Variants in AGBL1 observed in about 807,000 individuals in gnomAD.
The protein encoded by AGBL1 is cytosolic carboxypeptidase 4.
Under a neutral mutation model 118.9 loss-of-function variants are expected in AGBL1, and 130 were observed. That is an observed-to-expected ratio of 1.09 (90% CI 0.95 to 1.26). The LOEUF is 1.26. Ranked by LOEUF, AGBL1 falls within the 50% of genes most tolerant of loss-of-function variation. AGBL1 has a pLI of 0.00. For missense variants in AGBL1, 1,584 were observed against 1,298.1 expected (o/e 1.22, Z -3.38); for synonymous variants, 555 against 478.9 (o/e 1.16, Z -2.08).
intron 21 of AGBL1, among the ~76,000 whole-genome samples, chr15:86,622,140 C>T (rs555716342): frequency 6.6e-5 from 10 of 152,120 alleles, no homozygotes; most frequent in African/African-American, 1.2e-4. Flanking sequence ...CCAGCCTGGC[C>T]AACATGGTGA....
At chr15:86,584,393 T>A (rs1210278262) in intron 21 of AGBL1, among the ~76,000 whole-genome samples, 3 of 152,196 alleles carry the variant, frequency 2.0e-5, no homozygotes, top group Admixed American at 6.6e-5. Flanking sequence ...TAGTTTCATT[T>A]TTCTGTATGT....
In AGBL1 at chr15:86,676,238, T is replaced by G. The variant is rs75416473; in HGVS notation, c.3158+1802T>G. Among the ~76,000 whole-genome samples the G allele has an allele frequency of 1.7e-3, 264 of 152,200 alleles. 4 individuals are homozygous for G. The East Asian group carries it at 0.022, about 12-fold the overall frequency. On this transcript the variant is annotated intron_variant, in intron 22 of 22. Coordinates refer to ENST00000614907, the MANE Select transcript of AGBL1 (RefSeq NM_001386094.1). ...AGTTTGGCAGGCATGGAGTTTGGTG[T>G]AGATCAGCAGGAGGGAAACTACCTA...
chr15:86,093,522 C>T (rs1441841809), intron 1 of AGBL1, among the ~76,000 whole-genome samples: 2 of 152,066 alleles, frequency 1.3e-5, no homozygotes, highest in Non-Finnish European at 2.9e-5. Context: ...GAGATAGAAG[C>T]TAAGTTTGAA....
intron 21 of AGBL1, among the ~76,000 whole-genome samples, chr15:86,618,895 T>G (rs916194484): frequency 6.6e-6 from 1 of 152,158 alleles, no homozygotes; most frequent in Non-Finnish European, 1.5e-5. Context: ...CTCCTTCTCT[T>G]GGGATACAGG....
intron 21 of AGBL1, among the ~76,000 whole-genome samples, chr15:86,668,284 T>C (rs28498407): frequency 0.019 from 2,871 of 152,318 alleles, 88 homozygotes; most frequent in African/African-American, 0.065. Flanking sequence ...TTGTCTTCTC[T>C]GTAATATATT....
chr15:86,182,711 G>T (rs1028006999), intron 5 of AGBL1, among the ~76,000 whole-genome samples: 5 of 152,058 alleles, frequency 3.3e-5, no homozygotes, highest in African/African-American at 4.8e-5. Flanking sequence ...TGTTCTCTCA[G>T]TATTAGTTTT....
intron 18 of AGBL1, among the ~76,000 whole-genome samples, chr15:86,485,903 A>T (rs2082706465): frequency 1.3e-5 from 2 of 152,226 alleles, no homozygotes; most frequent in South Asian, 4.1e-4. Context: ...ACAAACCTTG[A>T]CCACATCTCT....
At chr15:86,955,566 T>C (rs1349919435) in intron 23 of AGBL1, among the ~76,000 whole-genome samples, 1 of 151,842 alleles carries the variant, frequency 6.6e-6, no homozygotes, top group African/African-American at 2.4e-5. Context: ...TACAGCTTGG[T>C]TTACAAAGAC....
At chr15:86,767,384 C>A (rs1158579577) in intron 22 of AGBL1, among the ~76,000 whole-genome samples, 1 of 151,828 alleles carries the variant, frequency 6.6e-6, no homozygotes, top group Non-Finnish European at 1.5e-5. Context: ...CAGACTTTTT[C>A]CCTCTTTGCT....
At chr15:86,528,334 A>T (rs1165305353) in intron 19 of AGBL1, among the ~76,000 whole-genome samples, 4 of 152,210 alleles carry the variant, frequency 2.6e-5, no homozygotes, top group Non-Finnish European at 5.9e-5. Flanking sequence ...TCCGAGTCAA[A>T]GAAAGGGGTG....
chr15:86,285,397 C>G (rs2079425729), intron 16 of AGBL1, among the ~76,000 whole-genome samples: 1 of 152,072 alleles, frequency 6.6e-6, no homozygotes, highest in Non-Finnish European at 1.5e-5. Context: ...TCCCATAATT[C>G]TTACGTGTCG....
chr15:86,785,568 A>G lies in AGBL1; in HGVS notation c.3158+111132A>G, dbSNP rs184087468. On this transcript the variant is annotated intron_variant, in intron 22 of 22. Transcript: ENST00000614907. ...TTTTTAGTAGAGACGGGGTTTCACC[A>G]TATTGGTCAGGCTGGTCTCGAACTC... Among the ~76,000 whole-genome samples, 277 of 151,984 alleles carry G rather than the reference A, an allele frequency of 1.8e-3. 1 individual carries two copies. The highest frequency in any genetic ancestry group is 0.017 in the Admixed American group (262 of 15,258).
chr15:86,691,300 G>A (rs2086166037), intron 22 of AGBL1, among the ~76,000 whole-genome samples: 1 of 152,192 alleles, frequency 6.6e-6, no homozygotes, highest in Non-Finnish European at 1.5e-5. Flanking sequence ...GAGCGAGCTT[G>A]TGTAAGCACT....
Position 86,930,609 on chromosome 15 carries a change from C to T in AGBL1, c.3222-57378C>T, listed in dbSNP as rs149283231. Reference sequence around the variant, plus strand: ...TAAACAATTATTTTCAGCATATGAGCGAAAGAAAATACATTTATCTGCCAT... The same window carrying T: ...TAAACAATTATTTTCAGCATATGAGTGAAAGAAAATACATTTATCTGCCAT... On this transcript the variant is annotated intron_variant, in intron 23 of 24. Transcript: ENST00000441037. Among the ~76,000 whole-genome samples the T allele has an allele frequency of 1.6e-4, 25 of 151,720 alleles. No homozygotes were observed. In the East Asian group the frequency reaches 3.1e-3, roughly 19 times the overall value.
At chr15:86,271,331 G>C (rs2141691132) in intron 14 of AGBL1, among the ~76,000 whole-genome samples, 1 of 152,074 alleles carries the variant, frequency 6.6e-6, no homozygotes, top group South Asian at 2.1e-4. Flanking sequence ...CAAAGTGCTG[G>C]TATTACAGGC....
intron 19 of AGBL1, among the ~76,000 whole-genome samples, chr15:86,534,797 C>T (rs994484754): frequency 6.6e-6 from 1 of 152,150 alleles, no homozygotes; most frequent in African/African-American, 2.4e-5. Context: ...AGACTACATA[C>T]TCTATTCTCT....
At chr15:86,127,336 A>G (rs2076760057) in intron 1 of AGBL1, among the ~76,000 whole-genome samples, 1 of 152,234 alleles carries the variant, frequency 6.6e-6, no homozygotes, top group Non-Finnish European at 1.5e-5. Flanking sequence ...CTCATCCCAA[A>G]AAGTGTAATC....
chr15:86,092,763 A>G (rs892670923), intron 1 of AGBL1, among the ~76,000 whole-genome samples: 1 of 152,150 alleles, frequency 6.6e-6, no homozygotes, highest in Non-Finnish European at 1.5e-5. Flanking sequence ...AAGGCATCAC[A>G]TGATGGAAAG....
chr15:86,374,155 A>G (rs1046083900), intron 17 of AGBL1, among the ~76,000 whole-genome samples: 1 of 152,216 alleles, frequency 6.6e-6, no homozygotes, highest in African/African-American at 2.4e-5. Context: ...CAAAGCCAGA[A>G]ATATAACTCA....
Sources: gnomAD v4.1 joint callset for allele counts (sites outside exome capture counted in the v4.1 genomes callset) on GRCh38, gnomAD v4.1.1 for gene constraint, MANE v1.5 for transcripts, NCBI Gene and HGNC (gene_info 2026-07-23, HGNC 2026-07-21) for gene names.